Variants in PPP2R5E observed in about 807,000 individuals in gnomAD.
The protein encoded by PPP2R5E is serine/threonine-protein phosphatase 2A 56 kDa regulatory subunit epsilon isoform.
In PPP2R5E, 4 loss-of-function variants were observed where a neutral mutation model predicts 65.3. The observed-to-expected ratio is 0.06, with a 90% CI of 0.03 to 0.14. The LOEUF is 0.14. Among genes scored for constraint, PPP2R5E ranks in the 10% least tolerant of loss-of-function variants. The pLI is 1.00. For missense variants in PPP2R5E, 274 were observed against 556.1 expected (o/e 0.49, Z 5.10); for synonymous variants, 183 against 187.4 (o/e 0.98, Z 0.19).
chr14:63,535,331 A>C (rs1893624766), intron 2 of PPP2R5E, among the ~76,000 whole-genome samples: 1 of 152,076 alleles, frequency 6.6e-6, no homozygotes, highest in Non-Finnish European at 1.5e-5. Flanking sequence ...CTGAGGCAAG[A>C]GAATCACTTG....
At chr14:63,413,350 A>G (rs1886509214) in intron 5 of PPP2R5E, among the ~76,000 whole-genome samples, 1 of 152,212 alleles carries the variant, frequency 6.6e-6, no homozygotes, top group Non-Finnish European at 1.5e-5. Flanking sequence ...ACATTAATTC[A>G]CAAAAAATAG....
At chr14:63,532,552 A>C (rs1395262293) in intron 2 of PPP2R5E, among the ~76,000 whole-genome samples, 1 of 152,194 alleles carries the variant, frequency 6.6e-6, no homozygotes, top group Non-Finnish European at 1.5e-5. Flanking sequence ...TTACTAGTAA[A>C]ATATGTCATA....
chr14:63,459,491 G>C (rs1266020960), intron 2 of PPP2R5E, among the ~76,000 whole-genome samples: 1 of 152,032 alleles, frequency 6.6e-6, no homozygotes, highest in Non-Finnish European at 1.5e-5. Flanking sequence ...CTATGAACTG[G>C]AGCCAAATAT....
chr14:63,491,390 A>AGTATGAC (rs2139634258), intron 2 of PPP2R5E, among the ~76,000 whole-genome samples: 2 of 152,262 alleles, frequency 1.3e-5, no homozygotes, highest in East Asian at 3.9e-4. Flanking sequence ...AAAAAAAAGC[A>AGTATGAC]GTATGACCAG....
intron 5 of PPP2R5E, among the ~76,000 whole-genome samples, chr14:63,405,525 T>A (rs1006181753): frequency 1.3e-5 from 2 of 152,218 alleles, no homozygotes; most frequent in South Asian, 4.1e-4. Flanking sequence ...AAATGTGAAG[T>A]ACAAATTACT....
intron 13 of PPP2R5E, among the ~76,000 whole-genome samples, chr14:63,379,826 C>CTCTTTTTTTTTTTT (rs528081976): frequency 2.0e-5 from 2 of 100,300 alleles, no homozygotes; most frequent in African/African-American, 1.0e-4. Flanking sequence ...TATTCTCTCT[C>CTCTTTTTTTTTTTT]TTTTTTTTTT....
At position 63,509,969 on chromosome 14, in the gene PPP2R5E, A is replaced by C. The variant is rs187908895; in HGVS notation, c.157+29560T>G. On this transcript the variant is annotated intron_variant, in intron 2 of 13. Transcript: ENST00000337537. The stretch of plus-strand genomic sequence containing the variant: ...ACTACCTGAGCATCCATGCCTAAGT[A>C]AAAAGTGTTTGCTCCATGTGCCACC... 2.6e-5 allele frequency among the ~76,000 whole-genome samples: 4 copies of C among 152,346 alleles called. No individual in the cohort carries two copies. The East Asian group carries it at 7.7e-4, about 29-fold the overall frequency.
intron 3 of PPP2R5E, among the ~76,000 whole-genome samples, chr14:63,440,724 C>T (rs1409280343): frequency 1.3e-5 from 2 of 148,884 alleles, no homozygotes; most frequent in Non-Finnish European, 3.0e-5. Flanking sequence ...GCATCATGAG[C>T]TCAGGGAATC....
At chr14:63,507,729 GC>G (rs1892269173) in intron 2 of PPP2R5E, among the ~76,000 whole-genome samples, 1 of 151,336 alleles carries the variant, frequency 6.6e-6, no homozygotes, top group Admixed American at 6.6e-5. Flanking sequence ...ACAGGCGCCC[GC>G]CACCACTCGG....
intron 5 of PPP2R5E, among the ~76,000 whole-genome samples, chr14:63,413,429 C>T (rs563519749): frequency 6.6e-6 from 1 of 152,176 alleles, no homozygotes; most frequent in East Asian, 1.9e-4. Flanking sequence ...CTCCAAGTTA[C>T]AGTGAGGGAA....
In PPP2R5E at chr14:63,448,241, G is replaced by A. The variant is rs113064437; in HGVS notation, c.354+5448C>T. ...GAACCCCGGAGGCAGAGCTTGCAATGAGCCGAGACAGAGCCACTGCACTCC... is the reference window on the plus strand; with the variant it reads ...GAACCCCGGAGGCAGAGCTTGCAATAAGCCGAGACAGAGCCACTGCACTCC... On this transcript the variant is annotated intron_variant, in intron 3 of 13. Coordinates refer to ENST00000337537, the MANE Select transcript of PPP2R5E (RefSeq NM_006246.5). Among the ~76,000 whole-genome samples, 735 of 152,116 alleles carry A rather than the reference G, an allele frequency of 4.8e-3. 4 individuals are homozygous for A. The highest frequency in any genetic ancestry group is 6.7e-3 in the Non-Finnish European group (455 of 67,998).
intron 7 of PPP2R5E, 135 bp downstream of exon 7, chr14:63,395,091 T>C (rs1885243282): frequency 1.5e-6 from 1 of 674,630 alleles, no homozygotes. Context: ...CTGGAAAATA[T>C]GCTAATAGGC....
intron 3 of PPP2R5E, among the ~76,000 whole-genome samples, chr14:63,427,822 T>C (rs937129145): frequency 3.3e-5 from 5 of 152,118 alleles, no homozygotes; most frequent in East Asian, 3.9e-4. Flanking sequence ...AGCCCCTTCA[T>C]CTTAGGAAAC....
intron 3 of PPP2R5E, among the ~76,000 whole-genome samples, chr14:63,438,236 C>A (rs1432163446): frequency 1.3e-5 from 2 of 152,220 alleles, no homozygotes; most frequent in East Asian, 3.8e-4. Flanking sequence ...TCATCATGCA[C>A]CACTGTGGTG....
chr14:63,405,684 A>T (rs28675691), intron 5 of PPP2R5E, among the ~76,000 whole-genome samples: 11,631 of 152,282 alleles, frequency 0.076, 593 homozygotes, highest in East Asian at 0.24. Flanking sequence ...TAATCCACCC[A>T]ATGAAATAAT....
At chr14:63,526,649 C>T (rs1047645658) in intron 2 of PPP2R5E, among the ~76,000 whole-genome samples, 1 of 152,100 alleles carries the variant, frequency 6.6e-6, no homozygotes, top group South Asian at 2.1e-4. Flanking sequence ...CTTGACCTCC[C>T]GGAATCAGGT....
At chr14:63,389,564 A>G (rs1217050972) in intron 11 of PPP2R5E, 48 bp downstream of exon 11, 1 of 1,535,818 alleles carries the variant, frequency 6.5e-7, no homozygotes, top group Non-Finnish European at 8.7e-7. Flanking sequence ...AATAAAATTT[A>G]ACCAAAATAA....
At chr14:63,397,599 A>G (rs1453456505) in intron 5 of PPP2R5E, among the ~76,000 whole-genome samples, 1 of 151,372 alleles carries the variant, frequency 6.6e-6, no homozygotes. Context: ...AAACATCAAA[A>G]TGTCTCAATG....
chr14:63,485,139 T>C (rs1355866574), intron 2 of PPP2R5E, among the ~76,000 whole-genome samples: 1 of 151,128 alleles, frequency 6.6e-6, no homozygotes, highest in Non-Finnish European at 1.5e-5. Context: ...CAATTTCTTT[T>C]ACAGAAGTTT....
Sources: allele counts gnomAD v4.1 joint callset (sites outside exome capture counted in the v4.1 genomes callset), GRCh38; gene constraint gnomAD v4.1.1; transcripts MANE v1.5; gene names NCBI Gene and HGNC (gene_info 2026-07-23, HGNC 2026-07-21).